ABL2: variants seen among roughly 807,000 people sequenced by gnomAD.
The protein encoded by ABL2 is ABL proto-oncogene 2, non-receptor tyrosine kinase, also known as tyrosine-protein kinase ABL2.
ABL2 carries 49 observed loss-of-function variants against 107.7 expected under a neutral mutation model. That is an observed-to-expected ratio of 0.45 (90% CI 0.36 to 0.58). The LOEUF is 0.58. ABL2 is among the 20% of genes least tolerant of loss of function. The pLI is 0.00. For synonymous variants in ABL2, 549 were observed against 548.6 expected, an observed-to-expected ratio of 1.00 and a Z score of -0.01; for missense variants, 1,245 against 1,457.0, an observed-to-expected ratio of 0.85 and a Z score of 2.37.
chr1:179,107,784 C>G lies in ABL2; in HGVS notation c.3483G>C (p.Gly1161=). The change falls in exon 12 of 12, where the codon GGG becomes GGC. Residue 1161 remains glycine (G), a synonymous_variant. Transcript: ENST00000502732. ...ATAAGTTATTAAGGACAGGGTTTGT[C>G]CCGGGCACACCAGCAGCTGCTGAAG... The part of the protein sequence containing the change: ...QVSSAAAGVP[G]TNPVLNNLLS... The G allele has an allele frequency of 1.2e-6, 2 of 1,614,220 alleles. No homozygotes were observed. Among genetic ancestry groups the G allele is most frequent in the Non-Finnish European group, 1.7e-6 (2 of 1,180,034 alleles).
In ABL2 at chr1:179,108,374, G is replaced by C. The variant is rs1450716635; in HGVS notation, c.2893C>G (p.Gln965Glu). ...TCCTTGTCTCCAGAGGATGTGACCT[G>C]ATGCTCAGATAAGAGCTTGAATTTA... ...GNKFKLLSEH[Q>E]VTSSGDKDRP... The change falls in exon 12 of 12, where the codon CAG becomes GAG. Residue 965 changes from glutamine to glutamate, a missense_variant. By Grantham distance (29) the Gln-to-Glu change is conservative (BLOSUM62 2). Transcript: ENST00000502732. 9.9e-6 allele frequency: 16 copies of C among 1,614,114 alleles called. No homozygotes were observed. Among genetic ancestry groups the C allele is most frequent in the African/African-American group, 1.3e-5 (1 of 74,930 alleles).
At position 179,213,142 on chromosome 1, in the gene ABL2, T is replaced by G. The variant is rs117084379; in HGVS notation, c.157+16099A>C. 6.1e-3 allele frequency among the ~76,000 whole-genome samples: 923 copies of G among 152,002 alleles called. 21 individuals are homozygous for G. The East Asian group carries it at 0.069, about 11-fold the overall frequency. On this transcript the variant is annotated intron_variant, in intron 1 of 11. Coordinates refer to ENST00000502732, the MANE Select transcript of ABL2 (RefSeq NM_007314.4). ...AAAAATTTAAATTCAAAAAATTAAT[T>G]TTTATATATATGTCTATCTAAAATA...
chr1:179,181,481 G>A (rs996182558), intron 1 of ABL2, among the ~76,000 whole-genome samples: 4 of 152,086 alleles, frequency 2.6e-5, no homozygotes, highest in African/African-American at 9.6e-5. Flanking sequence ...TGTGACCTTG[G>A]GAAAACTGCC....
chr1:179,152,487 C>A (rs746265104), intron 1 of ABL2, among the ~76,000 whole-genome samples: 15 of 152,286 alleles, frequency 9.8e-5, no homozygotes, highest in Middle Eastern at 3.4e-3. Flanking sequence ...TTTCCTTAAT[C>A]CAGCTCACTG....
intron 1 of ABL2, among the ~76,000 whole-genome samples, chr1:179,186,388 GTTGTT>G (rs1469877422): frequency 6.6e-6 from 1 of 152,088 alleles, no homozygotes; most frequent in East Asian, 1.9e-4. Flanking sequence ...TGTTGTTGTT[GTTGTT>G]TTGAGAGGGA....
intron 3 of ABL2, 50 bp downstream of exon 3, chr1:179,131,253 TATCTCTTA>T: frequency 6.4e-7 from 1 of 1,568,420 alleles, no homozygotes; most frequent in Non-Finnish European, 8.7e-7. Context: ...CAGGCCCCTT[TATCTCTTA>T]ATCATTAATG....
chr1:179,212,571 A>T (rs1273847205), intron 1 of ABL2, among the ~76,000 whole-genome samples: 6 of 151,920 alleles, frequency 3.9e-5, no homozygotes, highest in Admixed American at 1.3e-4. Flanking sequence ...TGTCTCTACT[A>T]CAAATAACAA....
At chr1:179,220,582 T>C (rs1201857217) in intron 1 of ABL2, among the ~76,000 whole-genome samples, 1 of 152,224 alleles carries the variant, frequency 6.6e-6, no homozygotes, top group Non-Finnish European at 1.5e-5. Flanking sequence ...ACAGCAAATC[T>C]TGAGTGTTTT....
At chr1:179,177,381 T>C (rs186940991) in intron 1 of ABL2, among the ~76,000 whole-genome samples, 34 of 152,280 alleles carry the variant, frequency 2.2e-4, no homozygotes, top group Admixed American at 6.5e-4. Context: ...GTTCCAAGAA[T>C]AGTCGTGGCA....
rs1653033707 is a variant in ABL2, at chr1:179,100,866, C to T, written c.*6852G>A. 1 of 232,642 alleles carries T rather than the reference C, an allele frequency of 4.3e-6. No individual in the cohort carries two copies. Among genetic ancestry groups the T allele is most frequent in the African/African-American group, 2.2e-5 (1 of 45,324 alleles). The allele number at this position is 232,642 out of a possible 1,614,324, so 14.4% of individuals were successfully genotyped here. A position where few individuals can be genotyped will look rare whatever the true frequency, so the allele number is the denominator to read the frequency against. On this transcript the variant is annotated 3_prime_UTR_variant, in exon 12 of 12. Transcript: ENST00000502732. Reference sequence around the variant, plus strand: ...CTCCCTCAGAGTGAACAGGGCTTTGCTACTCTGCTCAGGTCAAAAGGTAAG... The same window carrying T: ...CTCCCTCAGAGTGAACAGGGCTTTGTTACTCTGCTCAGGTCAAAAGGTAAG...
chr1:179,177,558 C>CACAATTAATTCATTTAATTTGATA (rs919531307), intron 1 of ABL2, among the ~76,000 whole-genome samples: 7 of 152,110 alleles, frequency 4.6e-5, no homozygotes, highest in Non-Finnish European at 8.8e-5. Context: ...GGGATTTAAC[C>CACAATTAATTCATTTAATTTGATA]ACAATTAATT....
chr1:179,200,404 T>C (rs1040861058), intron 1 of ABL2, among the ~76,000 whole-genome samples: 2 of 152,202 alleles, frequency 1.3e-5, no homozygotes, highest in African/African-American at 4.8e-5. Flanking sequence ...CCTTCCTGAA[T>C]AATATATTTC....
At chr1:179,144,332 C>T (rs1344839517) in intron 1 of ABL2, among the ~76,000 whole-genome samples, 3 of 151,842 alleles carry the variant, frequency 2.0e-5, no homozygotes, top group Non-Finnish European at 2.9e-5. Flanking sequence ...TGGTGGCGGG[C>T]GCCTGTAGTC....
intron 1 of ABL2, among the ~76,000 whole-genome samples, chr1:179,192,450 C>G (rs1661077507): frequency 6.6e-6 from 1 of 152,132 alleles, no homozygotes; most frequent in Admixed American, 6.5e-5. Context: ...TCAATAAATC[C>G]TAGACCACTT....
chr1:179,217,482 C>T (rs574344945), intron 1 of ABL2, among the ~76,000 whole-genome samples: 20 of 151,312 alleles, frequency 1.3e-4, no homozygotes, highest in African/African-American at 4.1e-4. Context: ...AAAAATTAGC[C>T]GAGTGTGATG....
chr1:179,121,666 C>T lies in ABL2; in HGVS notation c.889G>A (p.Gly297Ser), dbSNP rs1655207877. 1.9e-6 allele frequency: 3 copies of T among 1,614,114 alleles called. No individual in the cohort carries two copies. The highest frequency in any genetic ancestry group is 2.5e-6 in the Non-Finnish European group (3 of 1,180,022). ...DITMKHKLGG[G>S]QYGEVYVGVW... ...CCAACGTAAACCTCTCCATACTGACCGCCCCCAAGTTTGTGCTTCATGGTA... is the reference window on the plus strand; with the variant it reads ...CCAACGTAAACCTCTCCATACTGACTGCCCCCAAGTTTGTGCTTCATGGTA... Residue 297 changes from glycine to serine, a missense_variant, in exon 5 of 12, where the codon GGT becomes AGT. Gly to Ser is a moderately conservative substitution (Grantham distance 56). Coordinates refer to ENST00000502732, the MANE Select transcript of ABL2 (RefSeq NM_007314.4).
intron 1 of ABL2, among the ~76,000 whole-genome samples, chr1:179,198,905 G>A (rs893357365): frequency 1.0e-4 from 15 of 146,660 alleles, no homozygotes; most frequent in African/African-American, 3.5e-4. Context: ...GCAGTGGCAC[G>A]ATCTCGGCTC....
At chr1:179,174,939 A>G in intron 1 of ABL2, among the ~76,000 whole-genome samples, 1 of 149,240 alleles carries the variant, frequency 6.7e-6, no homozygotes, top group Non-Finnish European at 1.5e-5. Flanking sequence ...TAATAATAAT[A>G]ATAATTCTAT....
intron 3 of ABL2, among the ~76,000 whole-genome samples, chr1:179,129,873 G>C (rs1656118300): frequency 6.6e-6 from 1 of 152,028 alleles, no homozygotes; most frequent in South Asian, 2.1e-4. Context: ...TTTTAATTCT[G>C]TCCTATGTAC....
Sources: gnomAD v4.1 joint callset for allele counts (sites outside exome capture counted in the v4.1 genomes callset) on GRCh38, gnomAD v4.1.1 for gene constraint, MANE v1.5 for transcripts, NCBI Gene and HGNC (gene_info 2026-07-23, HGNC 2026-07-21) for gene names.